Variants in HSPG2 observed in about 807,000 individuals in gnomAD.
The protein encoded by HSPG2 is heparan sulfate proteoglycan 2, also known as basement membrane-specific heparan sulfate proteoglycan core protein.
HSPG2 carries 278 observed loss-of-function variants against 526.6 expected under a neutral mutation model. The ratio of observed to expected loss-of-function variants is 0.53; its 90% confidence interval spans 0.48 to 0.58. The LOEUF (loss-of-function observed/expected upper bound fraction) is 0.58. Among genes scored for constraint, HSPG2 ranks in the 20% least tolerant of loss-of-function variants. HSPG2 has a pLI of 0.00. For missense variants in HSPG2, 5,354 were observed against 6,099.5 expected (o/e 0.88, Z 4.07); for synonymous variants, 2,465 against 2,555.4 (o/e 0.96, Z 1.07).
At chr1:21,849,141 A>G in intron 57 of HSPG2, 110 bp from the exon 58 acceptor site, 1 of 1,320,460 alleles carries the variant, frequency 7.6e-7, no homozygotes, top group Non-Finnish European at 1.1e-6. Flanking sequence ...CTGGAACTCG[A>G]TGGAAACTCT....
intron 9 of HSPG2, among the ~76,000 whole-genome samples, chr1:21,886,799 T>G (rs1405774396): frequency 6.6e-6 from 1 of 151,386 alleles, no homozygotes; most frequent in African/African-American, 2.4e-5. Flanking sequence ...GACAGATGGG[T>G]GGGTAAGGCT....
In HSPG2 at chr1:21,857,108, G is replaced by A. The variant is rs780670641; in HGVS notation, c.5482C>T (p.Arg1828Cys). Residue 1828 changes from arginine to cysteine, a missense_variant, in exon 44 of 97, where the codon CGC (arginine) becomes TGC (cysteine). By Grantham distance (180) the Arg-to-Cys change is radical (BLOSUM62 -3). Transcript: ENST00000374695. Reference protein sequence around the residue: ...AMDFNGILTIRNVQLSDAGTY... With the variant: ...AMDFNGILTICNVQLSDAGTY... ...CCTGCATCACTCAGCTGGACGTTGC[G>A]AATGGTCAGGATGCCATTGAAATCC... is the stretch of plus-strand genomic sequence containing the variant. The A allele has an allele frequency of 1.2e-5, 19 of 1,614,128 alleles. No homozygotes were observed. Among genetic ancestry groups the A allele is most frequent in the Middle Eastern group, 1.6e-4 (1 of 6,062 alleles).
chr1:21,864,760 T>A lies in HSPG2; in HGVS notation c.4626+83A>T, dbSNP rs1441287613. ...GGGGTCATTATAGTTATGATGGTAA[T>A]CAAGGCTGCGGCGACGCCGGCTGAT... is the stretch of plus-strand genomic sequence containing the variant. On this transcript the variant is annotated intron_variant, in intron 36 of 96. Coordinates refer to ENST00000374695, the MANE Select transcript of HSPG2 (RefSeq NM_005529.7). This position sits in a 1 kb window ranked among gnomAD's most constrained non-coding sequence, Gnocchi z 4.8. The A allele has an allele frequency of 1.7e-6, 2 of 1,153,560 alleles. No individual in the cohort carries two copies. The highest frequency in any genetic ancestry group is 5.1e-5 in the East Asian group (2 of 39,142). 71.5% of individuals were successfully genotyped at this position (1,153,560 alleles called of 1,614,324 possible). A position where few individuals can be genotyped will look rare whatever the true frequency, so the allele number is the denominator to read the frequency against.
intron 23 of HSPG2, 70 bp downstream of exon 23, chr1:21,876,159 C>A: frequency 1.3e-6 from 2 of 1,564,416 alleles, no homozygotes; most frequent in Non-Finnish European, 8.7e-7. Flanking sequence ...ACGACCCTCC[C>A]GCCTCCAAGC....
chr1:21,879,302 GCCTGTC>G lies in HSPG2; in HGVS notation c.2344-187_2344-182del, dbSNP rs151328626. ...GGGGAGCTCATCATCTTACACGGCAGCCTGTCCCATAGATGGTTCCAAATGCCTGCT... is the reference window on the plus strand; with the variant it reads ...GGGGAGCTCATCATCTTACACGGCAGCCATAGATGGTTCCAAATGCCTGCT... On this transcript the variant is annotated intron_variant, in intron 17 of 96. Coordinates refer to ENST00000374695, the MANE Select transcript of HSPG2 (RefSeq NM_005529.7). Among the ~76,000 whole-genome samples, 863 of 152,298 alleles carry G rather than the reference GCCTGTC, an allele frequency of 5.7e-3. 12 individuals are homozygous for G. Among genetic ancestry groups the G allele is most frequent in the African/African-American group, 0.02 (828 of 41,560 alleles).
Position 21,832,607 on chromosome 1 carries a change from C to T in HSPG2, c.11096-1G>A. ...TTCTGCCCATTGTACAGCAGCATCC[C>T]TGGGTGGGCACCACTGTGTAAGGGG... On this transcript the variant is annotated splice_acceptor_variant, in intron 80 of 96. Coordinates refer to ENST00000374695, the MANE Select transcript of HSPG2 (RefSeq NM_005529.7). LOFTEE classifies it high-confidence loss of function. 1.2e-6 allele frequency: 2 copies of T among 1,613,470 alleles called. No homozygotes were observed. The highest frequency in any genetic ancestry group is 1.7e-6 in the Non-Finnish European group (2 of 1,179,486).
rs1320755403 is a variant in HSPG2 at position 21,847,690 on chromosome 1, T to C, written c.8024A>G (p.Gln2675Arg). The change falls in exon 61 of 97, where the codon CAG becomes CGG. Residue 2675 changes from glutamine to arginine, a missense_variant and splice_region_variant. Physicochemically the swap from Gln to Arg is conservative, Grantham distance 43. Coordinates refer to ENST00000374695, the MANE Select transcript of HSPG2 (RefSeq NM_005529.7). This position sits in a 1 kb window ranked among gnomAD's most constrained non-coding sequence, Gnocchi z 4.1. ...CGCTGCTGTGGCTCCACTCTGTACC[T>C]GGTGTCGGGAGGGAAGGCTGCCCCC... The part of the protein sequence containing the change: ...KRGGSLPSRH[Q>R]THGSHLRLHQ... 6.2e-7 allele frequency: 1 copy of C among 1,607,282 alleles called. No homozygotes were observed. Among genetic ancestry groups the C allele is most frequent in the Non-Finnish European group, 8.5e-7 (1 of 1,177,092 alleles).
chr1:21,884,364 T>C (rs1312188280), intron 13 of HSPG2, among the ~76,000 whole-genome samples, 164 bp downstream of exon 13: 2 of 152,066 alleles, frequency 1.3e-5, no homozygotes, highest in African/African-American at 4.8e-5. Context: ...AACATCTTGG[T>C]TTTCCCCCCG....
intron 13 of HSPG2, among the ~76,000 whole-genome samples, chr1:21,882,586 G>A (rs1353079925): frequency 6.6e-6 from 1 of 152,112 alleles, no homozygotes; most frequent in Admixed American, 6.6e-5. Flanking sequence ...AAAAGTAATT[G>A]CTGGTTTGGT....
Position 21,838,977 on chromosome 1 carries a change from C to T in HSPG2, c.9998G>A (p.Ser3333Asn). The T allele has an allele frequency of 1.2e-6, 2 of 1,612,672 alleles. No homozygotes were observed. Among genetic ancestry groups the T allele is most frequent in the South Asian group, 2.2e-5 (2 of 91,040 alleles). ...HGTPPLTFQW[S>N]RVGSSLPGRA... ...CCCAGGAAGGCTGCTGCCCACGCGG[C>T]TCCACTGGAAGGTGAGTGGGGGTGT... is the stretch of plus-strand genomic sequence containing the variant. Residue 3333 changes from serine (S) to asparagine (N), a missense_variant, in exon 74 of 97, where the codon AGC (serine) becomes AAC (asparagine). Ser to Asn is a conservative substitution (Grantham distance 46, BLOSUM62 1). Coordinates refer to ENST00000374695, the MANE Select transcript of HSPG2 (RefSeq NM_005529.7).
rs1242561648 is a variant in HSPG2 at position 21,848,867 on chromosome 1, A to G, written c.7585+26T>C. The stretch of plus-strand genomic sequence containing the variant: ...AGTCGGGGTCCCCCAGCCCTCCACC[A>G]TTTGCATGACCCCCGAGACACTCAC... On this transcript the variant is annotated intron_variant, in intron 58 of 96. Coordinates refer to ENST00000374695, the MANE Select transcript of HSPG2 (RefSeq NM_005529.7). The surrounding 1 kb of genome is among the most constrained non-coding windows in gnomAD (Gnocchi z 4.9). 6 of 1,610,250 alleles carry G rather than the reference A, an allele frequency of 3.7e-6. No homozygotes were observed. Among genetic ancestry groups the G allele is most frequent in the Non-Finnish European group, 4.2e-6 (5 of 1,178,876 alleles).
rs1404224285 is a variant in HSPG2, at chr1:21,833,928, G to A, written c.10721-3C>T. The A allele has an allele frequency of 3.2e-6, 5 of 1,568,846 alleles. No individual in the cohort carries two copies. The highest frequency in any genetic ancestry group is 4.3e-6 in the Non-Finnish European group (5 of 1,154,516). Reference sequence around the variant, plus strand: ...GGGCATTGAGATCTGGGGCAAGGCTGAGAGGCATGGAAGAGACATAGGCCA... The same window carrying A: ...GGGCATTGAGATCTGGGGCAAGGCTAAGAGGCATGGAAGAGACATAGGCCA... On this transcript the variant is annotated splice_polypyrimidine_tract_variant and splice_region_variant and intron_variant, in intron 77 of 96. Transcript: ENST00000374695.
rs753259404 is a variant in HSPG2, at chr1:21,874,872, C to T, written c.3414+19G>A. 4.1e-5 allele frequency: 66 copies of T among 1,592,272 alleles called. No individual in the cohort carries two copies. In the Middle Eastern group the frequency reaches 6.6e-4, roughly 16 times the overall value. On this transcript the variant is annotated intron_variant, in intron 26 of 96. Transcript: ENST00000374695. Reference sequence around the variant, plus strand: ...CCATGGAGGGGGCTGGCTGGGCTGGCGTGGGGCCCAGGACTCACCTGGCAG... The same window carrying T: ...CCATGGAGGGGGCTGGCTGGGCTGGTGTGGGGCCCAGGACTCACCTGGCAG...
intron 33 of HSPG2, chr1:21,870,803 C>A: frequency 1.0e-6 from 1 of 986,030 alleles, no homozygotes. Flanking sequence ...CCCACCACAC[C>A]AACTTCACAC....
chr1:21,889,569 G>A (rs562602464), intron 6 of HSPG2, among the ~76,000 whole-genome samples: 14 of 152,068 alleles, frequency 9.2e-5, no homozygotes, highest in Non-Finnish European at 1.9e-4. Flanking sequence ...CAGTTCCCTC[G>A]TCTCTGAAAC....
At chr1:21,920,835 G>A (rs1644017389) in intron 1 of HSPG2, among the ~76,000 whole-genome samples, 1 of 152,144 alleles carries the variant, frequency 6.6e-6, no homozygotes, top group Non-Finnish European at 1.5e-5. Flanking sequence ...AGAGGTCTGA[G>A]GTGGGCCTAG....
intron 71 of HSPG2, among the ~76,000 whole-genome samples, chr1:21,840,492 G>A (rs1426643273): frequency 6.6e-6 from 1 of 152,014 alleles, no homozygotes. Flanking sequence ...ATTTTTAGTA[G>A]AGACGGGGTT....
At position 21,872,037 on chromosome 1, in the gene HSPG2, G is replaced by A. The variant is rs1557755428; in HGVS notation, c.4221+149C>T. 1.3e-6 allele frequency: 1 copy of A among 775,364 alleles called. No individual in the cohort carries two copies. The highest frequency in any genetic ancestry group is 2.2e-6 in the Non-Finnish European group (1 of 460,400). 48.0% of individuals were successfully genotyped at this position (775,364 alleles called of 1,614,324 possible). A position where few individuals can be genotyped will look rare whatever the true frequency, so the allele number is the denominator to read the frequency against. On this transcript the variant is annotated intron_variant, in intron 33 of 96. Transcript: ENST00000374695. The surrounding 1 kb of genome is among the most constrained non-coding windows in gnomAD (Gnocchi z 5.5). ...CTGGCTGGCAAGCGGCAGAGCTGGG[G>A]TTCAGACCAATGTCTATGGGACTGC...
chr1:21,842,718 T>C (rs1033443038), intron 67 of HSPG2, 52 bp downstream of exon 67: 6 of 1,609,702 alleles, frequency 3.7e-6, no homozygotes, highest in Middle Eastern at 2.2e-4. Flanking sequence ...AGAAAGCAAC[T>C]GCAGGTCTAA....
Sources: allele counts gnomAD v4.1 joint callset (sites outside exome capture counted in the v4.1 genomes callset), GRCh38; gene constraint gnomAD v4.1.1; non-coding constraint Gnocchi (gnomAD v3.1); transcripts MANE v1.5; gene names NCBI Gene and HGNC (gene_info 2026-07-23, HGNC 2026-07-21).